GRB10: variants seen among roughly 807,000 people sequenced by gnomAD.
The protein encoded by GRB10 is growth factor receptor bound protein 10, also known as growth factor receptor-bound protein 10.
Under a neutral mutation model 80.9 loss-of-function variants are expected in GRB10, and 20 were observed. The observed-to-expected ratio is 0.25, with a 90% CI of 0.17 to 0.36. The LOEUF (loss-of-function observed/expected upper bound fraction) is 0.36, where lower values mean the gene tolerates loss of function less well. GRB10 is among the 10% of genes least tolerant of loss of function. The probability of loss-of-function intolerance (pLI) is 1.00; values close to 1 mark genes in which losing one functional copy is unlikely to be tolerated. For synonymous variants in GRB10, 291 were observed against 291.5 expected (o/e 1.00, Z 0.02); for missense variants, 548 against 747.7 (o/e 0.73, Z 3.12).
chr7:50,602,899 T>C (rs951719435), intron 17 of GRB10, among the ~76,000 whole-genome samples: 1 of 151,104 alleles, frequency 6.6e-6, no homozygotes, highest in African/African-American at 2.4e-5. Context: ...TCCTTTAAAA[T>C]AGAAGAGGAG....
At chr7:50,613,723 T>C (rs1033188759) in intron 12 of GRB10, among the ~76,000 whole-genome samples, 2 of 152,108 alleles carry the variant, frequency 1.3e-5, no homozygotes, top group Non-Finnish European at 2.9e-5. Flanking sequence ...TGCTCATACC[T>C]CCAGCCCCGC....
intron 13 of GRB10, among the ~76,000 whole-genome samples, chr7:50,611,801 T>C (rs1259100953): frequency 6.6e-6 from 1 of 152,210 alleles, no homozygotes; most frequent in African/African-American, 2.4e-5. Context: ...CCACTACAGT[T>C]CAACGAAGGC....
chr7:50,659,653 A>G (rs1053262145), intron 7 of GRB10, among the ~76,000 whole-genome samples: 4 of 152,228 alleles, frequency 2.6e-5, no homozygotes, highest in African/African-American at 7.2e-5. Context: ...CTTGGAAGGC[A>G]GACAGTAGAG....
intron 3 of GRB10, among the ~76,000 whole-genome samples, chr7:50,734,759 C>T (rs1160166727): frequency 1.3e-5 from 2 of 152,166 alleles, no homozygotes; most frequent in Non-Finnish European, 2.9e-5. Context: ...GAACAGTTTC[C>T]TTGGGACAAG....
intron 6 of GRB10, among the ~76,000 whole-genome samples, chr7:50,673,593 C>G (rs1224912937): frequency 6.6e-6 from 1 of 152,136 alleles, no homozygotes. Flanking sequence ...TCTTCATCCT[C>G]AGGCAGCGCA....
intron 3 of GRB10, among the ~76,000 whole-genome samples, chr7:50,733,874 G>A (rs959328457): frequency 6.6e-6 from 1 of 152,150 alleles, no homozygotes; most frequent in African/African-American, 2.4e-5. Flanking sequence ...CCTTAACAGA[G>A]GCATTACCCA....
chr7:50,604,482 G>A lies in GRB10; in HGVS notation c.1390-105C>T, dbSNP rs571110828. The stretch of plus-strand genomic sequence containing the variant: ...GGCCACTGGGTGGGGTGCCTGACTG[G>A]GCTCACAAGGGACCTTGCCCCATCT... On this transcript the variant is annotated intron_variant, in intron 15 of 18. Transcript: ENST00000401949. The A allele has an allele frequency of 2.1e-4, 191 of 915,708 alleles. 1 individual carries two copies. The African/African-American group carries it at 2.7e-3, about 13-fold the overall frequency. 56.7% of individuals were successfully genotyped at this position (915,708 alleles called of 1,614,324 possible).
intron 13 of GRB10, among the ~76,000 whole-genome samples, chr7:50,608,071 A>T (rs1333685214): frequency 5.3e-5 from 8 of 152,210 alleles, no homozygotes; most frequent in African/African-American, 1.7e-4. Flanking sequence ...GGTCAGGGGA[A>T]ATATTTGATG....
chr7:50,626,728 CT>C, intron 8 of GRB10, 93 bp downstream of exon 8: 1 of 1,422,232 alleles, frequency 7.0e-7, no homozygotes, highest in Non-Finnish European at 9.9e-7. Flanking sequence ...GCAGGGGACA[CT>C]GCGGTCACAC....
intron 3 of GRB10, among the ~76,000 whole-genome samples, chr7:50,754,869 C>T (rs1020935320): frequency 6.6e-6 from 1 of 152,168 alleles, no homozygotes; most frequent in African/African-American, 2.4e-5. Context: ...ACAGAGGTCA[C>T]TAAGTTAAAA....
intron 15 of GRB10, chr7:50,605,070 T>C (rs951786912): frequency 5.2e-6 from 3 of 579,818 alleles, no homozygotes; most frequent in Admixed American, 3.0e-5. Flanking sequence ...GTCCCTTCCA[T>C]GAAAGCCCAG....
intron 3 of GRB10, among the ~76,000 whole-genome samples, chr7:50,735,004 G>A (rs745665748): frequency 3.3e-5 from 5 of 152,030 alleles, no homozygotes; most frequent in African/African-American, 7.2e-5. Context: ...TTGGAAAGGA[G>A]GAACTAAAAT....
chr7:50,759,205 A>AG lies in GRB10; in HGVS notation c.-216-3150_-216-3149insC, dbSNP rs1185159756. 1.2e-4 allele frequency among the ~76,000 whole-genome samples: 18 copies of AG among 151,794 alleles called. No individual in the cohort carries two copies. The East Asian group carries it at 2.3e-3, about 20-fold the overall frequency. On this transcript the variant is annotated intron_variant, in intron 2 of 18. Coordinates refer to ENST00000401949, the MANE Select transcript of GRB10 (RefSeq NM_001350814.2). ...GAGACTCTGCCTCAAAAAAAAAAAA[A>AG]AAAAGAAAAGAAATGCCAAACTTCA...
intron 7 of GRB10, among the ~76,000 whole-genome samples, chr7:50,663,088 AG>A (rs1416598750): frequency 1.3e-5 from 2 of 152,244 alleles, no homozygotes; most frequent in Non-Finnish European, 2.9e-5. Context: ...TGAGGATGAC[AG>A]GGAAGAGGGC....
At chr7:50,715,807 C>T (rs2066763646) in intron 4 of GRB10, among the ~76,000 whole-genome samples, 1 of 152,220 alleles carries the variant, frequency 6.6e-6, no homozygotes, top group Non-Finnish European at 1.5e-5. Flanking sequence ...GATGTACCCT[C>T]TCCCCCTAAA....
intron 5 of GRB10, among the ~76,000 whole-genome samples, chr7:50,675,125 T>C (rs1473355130): frequency 6.6e-6 from 1 of 152,204 alleles, no homozygotes; most frequent in Non-Finnish European, 1.5e-5. Flanking sequence ...CACCCAACAC[T>C]GACACTGGTT....
At chr7:50,612,192 C>T (rs2049663017) in intron 13 of GRB10, among the ~76,000 whole-genome samples, 1 of 152,132 alleles carries the variant, frequency 6.6e-6, no homozygotes, top group Admixed American at 6.5e-5. Context: ...TACTTCATGG[C>T]CCTGGCTTTT....
rs568295325 is a variant in GRB10, at chr7:50,675,586, C to T, written c.140-928G>A. On this transcript the variant is annotated intron_variant, in intron 5 of 18. Transcript: ENST00000401949. ...GAAGACCTGAATAGAAGAAAAAGAC[C>T]GGCCTCCAAGGGGAAAGATGGAATT... is the stretch of plus-strand genomic sequence containing the variant. Among the ~76,000 whole-genome samples the T allele has an allele frequency of 2.6e-5, 4 of 152,290 alleles. No homozygotes were observed. In the East Asian group the frequency reaches 5.8e-4, roughly 22 times the overall value.
intron 13 of GRB10, among the ~76,000 whole-genome samples, chr7:50,612,099 G>A (rs59471817): frequency 0.026 from 3,989 of 152,270 alleles, 154 homozygotes; most frequent in African/African-American, 0.09. Context: ...GCAGTACCAC[G>A]TGATAAATTT....
Sources: allele counts gnomAD v4.1 joint callset (sites outside exome capture counted in the v4.1 genomes callset), GRCh38; gene constraint gnomAD v4.1.1; transcripts MANE v1.5; gene names NCBI Gene and HGNC (gene_info 2026-07-23, HGNC 2026-07-21).